MIB1: variants seen among roughly 807,000 people sequenced by gnomAD.
MIB1 encodes the protein MIB E3 ubiquitin protein ligase 1, also known as E3 ubiquitin-protein ligase MIB1.
In MIB1, 278 loss-of-function variants were observed where a neutral mutation model predicts 124.5. The ratio of observed to expected loss-of-function variants is 2.23; its 90% CI spans 2.02 to 2.47. MIB1 has a LOEUF of 2.47. Ranked by LOEUF, MIB1 falls within the 30% of genes most tolerant of loss-of-function variation. The pLI is 0.00. For synonymous variants in MIB1, 446 were observed against 429.4 expected (o/e 1.04, Z -0.48); for missense variants, 957 against 1,254.4 (o/e 0.76, Z 3.58).
intron 1 of MIB1, among the ~76,000 whole-genome samples, chr18:21,763,406 C>T (rs1486234923): frequency 6.6e-6 from 1 of 152,102 alleles, no homozygotes; most frequent in African/African-American, 2.4e-5. Flanking sequence ...CAAAGTCGTT[C>T]CTGGTTCATT....
intron 20 of MIB1, among the ~76,000 whole-genome samples, chr18:21,862,032 G>T (rs1229884249): frequency 5.3e-5 from 8 of 152,012 alleles, no homozygotes; most frequent in Non-Finnish European, 8.8e-5. Flanking sequence ...CTCCCAAGTT[G>T]CTGGGACTAC....
chr18:21,851,803 T>C (rs1335045028), intron 17 of MIB1, among the ~76,000 whole-genome samples: 1 of 152,190 alleles, frequency 6.6e-6, no homozygotes, highest in Non-Finnish European at 1.5e-5. Context: ...TTTGGTTTAG[T>C]AACTCCACTC....
intron 1 of MIB1, among the ~76,000 whole-genome samples, chr18:21,735,783 T>C (rs552646881): frequency 3.9e-5 from 6 of 152,338 alleles, no homozygotes; most frequent in African/African-American, 1.4e-4. Flanking sequence ...GTGGAGGCCC[T>C]CTGCAACTCA....
At chr18:21,835,799 A>C (rs1230981255) in intron 12 of MIB1, among the ~76,000 whole-genome samples, 21 of 74,568 alleles carry the variant, frequency 2.8e-4, no homozygotes, top group Non-Finnish European at 3.6e-4. Flanking sequence ...ATATATATAT[A>C]TCCACACACA....
At chr18:21,844,516 A>G (rs757427458) in intron 15 of MIB1, among the ~76,000 whole-genome samples, 3 of 151,818 alleles carry the variant, frequency 2.0e-5, no homozygotes, top group Admixed American at 2.0e-4. Flanking sequence ...GCTCACTGCA[A>G]CCACCTGGGT....
At chr18:21,766,727 G>A (rs1011533192) in intron 2 of MIB1, among the ~76,000 whole-genome samples, 1 of 151,900 alleles carries the variant, frequency 6.6e-6, no homozygotes, top group Non-Finnish European at 1.5e-5. Flanking sequence ...TAAAATTAAG[G>A]AATAATAAAG....
At chr18:21,774,669 C>T (rs553443695) in intron 4 of MIB1, among the ~76,000 whole-genome samples, 95 of 152,184 alleles carry the variant, frequency 6.2e-4, no homozygotes, top group Non-Finnish European at 1.0e-3. Flanking sequence ...CCTTTCACAT[C>T]CTTTTCATTT....
At chr18:21,777,634 A>C (rs956546701) in intron 4 of MIB1, among the ~76,000 whole-genome samples, 1 of 151,888 alleles carries the variant, frequency 6.6e-6, no homozygotes, top group African/African-American at 2.4e-5. Flanking sequence ...AGCTCACTGC[A>C]ACCTCTGCCT....
At chr18:21,768,912 C>G (rs1001147843) in intron 3 of MIB1, among the ~76,000 whole-genome samples, 160 bp downstream of exon 3, 1 of 152,034 alleles carries the variant, frequency 6.6e-6, no homozygotes, top group Non-Finnish European at 1.5e-5. Flanking sequence ...AAAGATTGTT[C>G]TTGCTTTTTG....
At chr18:21,811,810 T>C (rs117727222) in intron 10 of MIB1, among the ~76,000 whole-genome samples, 5,008 of 152,266 alleles carry the variant, frequency 0.033, 138 homozygotes, top group Non-Finnish European at 0.049. Flanking sequence ...GTGGTGATGG[T>C]TGCACAGTGA....
intron 12 of MIB1, among the ~76,000 whole-genome samples, chr18:21,836,313 G>A (rs8097864): frequency 0.31 from 45,524 of 145,858 alleles, 7,916 homozygotes; most frequent in African/African-American, 0.46. Flanking sequence ...TCGCTCAGTC[G>A]CCTGGGCTGG....
chr18:21,852,033 C>G (rs532336151), intron 17 of MIB1, among the ~76,000 whole-genome samples: 6 of 152,088 alleles, frequency 3.9e-5, no homozygotes, highest in Non-Finnish European at 7.4e-5. Flanking sequence ...ATGTATTAGG[C>G]ACTGATTTTA....
rs939934751 is a variant in MIB1 at position 21,857,221 on chromosome 18, A to G, written c.2757A>G (p.Ser919=). The G allele has an allele frequency of 3.1e-6, 5 of 1,613,420 alleles. No individual in the cohort carries two copies. The African/African-American group carries it at 6.7e-5, about 22-fold the overall frequency. The change falls in exon 19 of 21, where the codon TCA becomes TCG. Residue 919 remains serine (S), a synonymous_variant. Transcript: ENST00000261537. ...PFIMCCGGKS[S]EDATDDISSG... ...TTATGTGCTGTGGAGGGAAAAGTTC[A>G]GAAGATGCCACTGATGATATCTGTA...
intron 12 of MIB1, among the ~76,000 whole-genome samples, chr18:21,834,847 GT>G (rs2042012287): frequency 6.6e-6 from 1 of 152,176 alleles, no homozygotes; most frequent in Non-Finnish European, 1.5e-5. Context: ...GAAATCTCAG[GT>G]GTGGACTTTG....
intron 1 of MIB1, among the ~76,000 whole-genome samples, chr18:21,708,720 A>G (rs1204068459): frequency 6.6e-6 from 1 of 152,174 alleles, no homozygotes; most frequent in Non-Finnish European, 1.5e-5. Context: ...GAGCTCAGAA[A>G]GTTTAATTCA....
chr18:21,776,654 A>G (rs544647937), intron 4 of MIB1, among the ~76,000 whole-genome samples: 1 of 152,194 alleles, frequency 6.6e-6, no homozygotes, highest in Non-Finnish European at 1.5e-5. Context: ...GTGGGAAGGA[A>G]TGTTAGTTAA....
intron 1 of MIB1, among the ~76,000 whole-genome samples, chr18:21,751,302 A>G (rs895918881): frequency 6.6e-6 from 1 of 152,128 alleles, no homozygotes; most frequent in African/African-American, 2.4e-5. Flanking sequence ...TTATTTTGAG[A>G]CATAGTCTCT....
At chr18:21,801,444 C>A (rs1465743055) in intron 9 of MIB1, among the ~76,000 whole-genome samples, 2 of 152,012 alleles carry the variant, frequency 1.3e-5, no homozygotes, top group African/African-American at 4.8e-5. Flanking sequence ...ATTATGTTTT[C>A]CTGCCTAACT....
chr18:21,716,495 G>A (rs2040690216), intron 1 of MIB1, among the ~76,000 whole-genome samples: 1 of 152,082 alleles, frequency 6.6e-6, no homozygotes, highest in African/African-American at 2.4e-5. Context: ...GCAACAAATA[G>A]CACAATGAAT....
Sources: allele counts gnomAD v4.1 joint callset (sites outside exome capture counted in the v4.1 genomes callset), GRCh38; gene constraint gnomAD v4.1.1; transcripts MANE v1.5; gene names NCBI Gene and HGNC (gene_info 2026-07-23, HGNC 2026-07-21).